The following MB21D2 variants were observed in gnomAD, a reference collection of about 807,000 sequenced individuals.
MB21D2 encodes Mab-21 domain containing 2.
In MB21D2, 9 loss-of-function variants were observed where a neutral mutation model predicts 33.3. The observed-to-expected ratio is 0.27, with a 90% CI of 0.16 to 0.47. The LOEUF is 0.47. Among genes scored for constraint, MB21D2 ranks in the 20% least tolerant of loss-of-function variants. MB21D2 has a pLI of 0.99. For synonymous variants in MB21D2, 241 were observed against 236.3 expected, an observed-to-expected ratio of 1.02 and a Z score of -0.18; for missense variants, 540 against 624.6, an observed-to-expected ratio of 0.86 and a Z score of 1.44.
chr3:192,908,149 A>C (rs1267051929), intron 1 of MB21D2, among the ~76,000 whole-genome samples: 1 of 152,200 alleles, frequency 6.6e-6, no homozygotes, highest in Non-Finnish European at 1.5e-5. Flanking sequence ...GATTTTTAAA[A>C]ATCATAAAGA....
intron 1 of MB21D2, among the ~76,000 whole-genome samples, chr3:192,886,016 A>G (rs1306504609): frequency 1.3e-5 from 2 of 152,052 alleles, no homozygotes; most frequent in Non-Finnish European, 2.9e-5. Flanking sequence ...GCTGCAGTAC[A>G]GTGGCGCGAT....
intron 1 of MB21D2, among the ~76,000 whole-genome samples, chr3:192,860,073 T>A (rs933607238): frequency 2.6e-5 from 4 of 152,214 alleles, no homozygotes; most frequent in Admixed American, 1.3e-4. Context: ...CAGGCCTTGT[T>A]AGAAAGCAAT....
At chr3:192,832,212 C>T (rs959875194) in intron 1 of MB21D2, among the ~76,000 whole-genome samples, 5 of 152,186 alleles carry the variant, frequency 3.3e-5, no homozygotes, top group African/African-American at 1.2e-4. Context: ...CTTACGAACA[C>T]ACAAGTTTCA....
At chr3:192,882,967 A>C (rs1376397442) in intron 1 of MB21D2, among the ~76,000 whole-genome samples, 1 of 151,938 alleles carries the variant, frequency 6.6e-6, no homozygotes, top group East Asian at 1.9e-4. Flanking sequence ...TCCTGACCTC[A>C]GGTAATCCAC....
intron 1 of MB21D2, among the ~76,000 whole-genome samples, chr3:192,864,078 T>C (rs1200274327): frequency 2.0e-5 from 3 of 152,056 alleles, no homozygotes; most frequent in African/African-American, 7.2e-5. Flanking sequence ...CACAGAGGTA[T>C]GAAAAAGTGA....
intron 1 of MB21D2, among the ~76,000 whole-genome samples, chr3:192,802,252 G>A (rs1174856664): frequency 6.6e-6 from 1 of 152,194 alleles, no homozygotes; most frequent in African/African-American, 2.4e-5. Flanking sequence ...AGTTCCCAGT[G>A]GGGTTGGCTG....
chr3:192,841,619 C>T (rs1003264837), intron 1 of MB21D2, among the ~76,000 whole-genome samples: 2 of 152,300 alleles, frequency 1.3e-5, no homozygotes, highest in South Asian at 4.1e-4. Context: ...CGGCTCTGGC[C>T]GATAGCTTGA....
At chr3:192,823,102 T>G (rs892287275) in intron 1 of MB21D2, among the ~76,000 whole-genome samples, 2 of 152,214 alleles carry the variant, frequency 1.3e-5, no homozygotes, top group Non-Finnish European at 2.9e-5. Flanking sequence ...TAAAGTTAAA[T>G]CTACCTTTTA....
chr3:192,832,667 G>A (rs1012840473), intron 1 of MB21D2, among the ~76,000 whole-genome samples: 5 of 152,134 alleles, frequency 3.3e-5, no homozygotes, highest in African/African-American at 1.2e-4. Flanking sequence ...GCGTGTGCCT[G>A]TAGTCCCAGC....
chr3:192,859,945 A>G (rs1048652900), intron 1 of MB21D2, among the ~76,000 whole-genome samples: 2 of 152,252 alleles, frequency 1.3e-5, no homozygotes, highest in African/African-American at 4.8e-5. Context: ...TGTAAGATGC[A>G]TAAATGAAAC....
At chr3:192,890,980 G>T (rs1713842284) in intron 1 of MB21D2, among the ~76,000 whole-genome samples, 1 of 152,094 alleles carries the variant, frequency 6.6e-6, no homozygotes. Flanking sequence ...GTCTAGAGTT[G>T]TATTTTTAGA....
intron 1 of MB21D2, among the ~76,000 whole-genome samples, chr3:192,801,512 C>G (rs1711560810): frequency 6.6e-6 from 1 of 152,154 alleles, no homozygotes; most frequent in Non-Finnish European, 1.5e-5. Context: ...GTATTAGGAG[C>G]TGGGGCCTGT....
chr3:192,863,317 C>T (rs1017897573), intron 1 of MB21D2, among the ~76,000 whole-genome samples: 1 of 152,128 alleles, frequency 6.6e-6, no homozygotes, highest in African/African-American at 2.4e-5. Flanking sequence ...TTGGGCCACC[C>T]AATTTGTGGT....
intron 1 of MB21D2, among the ~76,000 whole-genome samples, chr3:192,847,498 G>T (rs1404363133): frequency 2.6e-5 from 4 of 152,162 alleles, no homozygotes; most frequent in African/African-American, 9.7e-5. Flanking sequence ...TGTAAAATAT[G>T]ATCAACTCAC....
At chr3:192,866,873 T>TC (rs1713178631) in intron 1 of MB21D2, among the ~76,000 whole-genome samples, 1 of 151,952 alleles carries the variant, frequency 6.6e-6, no homozygotes, top group African/African-American at 2.4e-5. Flanking sequence ...TGACCATCTC[T>TC]CCCCTCCCGC....
At chr3:192,892,328 G>T (rs1405316647) in intron 1 of MB21D2, among the ~76,000 whole-genome samples, 6 of 152,204 alleles carry the variant, frequency 3.9e-5, no homozygotes, top group African/African-American at 1.4e-4. Context: ...CTGGGTCTTT[G>T]AATTAATAAC....
chr3:192,910,505 G>A (rs1490018481), intron 1 of MB21D2, among the ~76,000 whole-genome samples: 1 of 151,952 alleles, frequency 6.6e-6, no homozygotes, highest in African/African-American at 2.4e-5. Context: ...ATAACAGAAT[G>A]TGCTCTAAGT....
chr3:192,799,110 C>T lies in MB21D2; in HGVS notation c.752G>A (p.Trp251Ter), dbSNP rs765084740. The change falls in exon 2 of 2, where the codon TGG (tryptophan) becomes TAG (stop). Residue 251 changes from tryptophan to a stop codon, truncating the protein, a stop_gained. Coordinates refer to ENST00000392452, the MANE Select transcript of MB21D2 (RefSeq NM_178496.4). LOFTEE classifies it high-confidence loss of function. The surrounding 1 kb of genome is among the most constrained non-coding windows in gnomAD (Gnocchi z 4.1). ...FKGWPAVAQSWLMENHFWDGK... is the reference protein window; with the variant it reads ...FKGWPAVAQS ...ATCCCAAAAGTGGTTCTCCATGAGC[C>T]AGCTCTGGGCCACTGCAGGCCAACC... is the stretch of plus-strand genomic sequence containing the variant. The T allele has an allele frequency of 1.9e-6, 3 of 1,614,130 alleles. No homozygotes were observed. The highest frequency in any genetic ancestry group is 2.5e-6 in the Non-Finnish European group (3 of 1,180,000).
chr3:192,861,030 A>G (rs1162343926), intron 1 of MB21D2, among the ~76,000 whole-genome samples: 1 of 152,272 alleles, frequency 6.6e-6, no homozygotes, highest in East Asian at 1.9e-4. Flanking sequence ...AAGTGGCCTC[A>G]GGCAAATCAC....
Sources: gnomAD v4.1 joint callset for allele counts (sites outside exome capture counted in the v4.1 genomes callset) on GRCh38, gnomAD v4.1.1 for gene constraint, Gnocchi (gnomAD v3.1) non-coding constraint, MANE v1.5 for transcripts, NCBI Gene and HGNC (gene_info 2026-07-23, HGNC 2026-07-21) for gene names.